AFAP1L1: variants seen among roughly 807,000 people sequenced by gnomAD.
The protein encoded by AFAP1L1 is actin filament-associated protein 1-like 1.
Under a neutral mutation model 99.8 loss-of-function variants are expected in AFAP1L1, and 77 were observed. The observed-to-expected ratio is 0.77, with a 90% confidence interval of 0.64 to 0.93. The LOEUF (loss-of-function observed/expected upper bound fraction) is 0.93. Among genes scored for constraint, AFAP1L1 ranks in the 40% least tolerant of loss-of-function variants. The pLI is 0.00. For missense variants in AFAP1L1, 893 were observed against 996.8 expected (o/e 0.90, Z 1.40); for synonymous variants, 373 against 395.3 (o/e 0.94, Z 0.67).
chr5:149,272,622 G>T (rs1425723478), intron 1 of AFAP1L1, among the ~76,000 whole-genome samples: 1 of 152,256 alleles, frequency 6.6e-6, no homozygotes, highest in Non-Finnish European at 1.5e-5. Context: ...TTTCACAGAA[G>T]TGGAGGGGAC....
Position 149,315,864 on chromosome 5 carries a change from G to C in AFAP1L1, c.1064G>C (p.Gly355Ala). The part of the protein sequence containing the change: ...EKQTSDSDSV[G>A]VGDNCSTLGR... ...CAGACCTCAGATTCTGACAGCGTGG[G>C]TGTGGGTGACAACTGTTCTACCCTT... The change falls in exon 10 of 19, where the codon GGT (glycine) becomes GCT (alanine). Residue 355 changes from glycine (G) to alanine (A), a missense_variant. Coordinates refer to ENST00000296721, the MANE Select transcript of AFAP1L1 (RefSeq NM_152406.4). 1 of 1,614,164 alleles carries C rather than the reference G, an allele frequency of 6.2e-7. No individual in the cohort carries two copies. Among genetic ancestry groups the C allele is most frequent in the Non-Finnish European group, 8.5e-7 (1 of 1,180,018 alleles).
At chr5:149,299,050 T>C (rs1756102944) in intron 1 of AFAP1L1, among the ~76,000 whole-genome samples, 1 of 152,198 alleles carries the variant, frequency 6.6e-6, no homozygotes, top group African/African-American at 2.4e-5. Flanking sequence ...TTGAAGCACA[T>C]GAACTGATGG....
intron 1 of AFAP1L1, among the ~76,000 whole-genome samples, chr5:149,298,062 G>A (rs1254773113): frequency 6.6e-6 from 1 of 152,172 alleles, no homozygotes; most frequent in Non-Finnish European, 1.5e-5. Context: ...TGAATGATAG[G>A]GCCTGAATTT....
intron 17 of AFAP1L1, among the ~76,000 whole-genome samples, chr5:149,334,572 AAAGTT>A (rs1757349901): frequency 6.6e-6 from 1 of 152,192 alleles, no homozygotes; most frequent in Non-Finnish European, 1.5e-5. Flanking sequence ...TGTAAGGGGT[AAAGTT>A]AATTTCAAAA....
At chr5:149,296,775 T>C (rs1462281084) in intron 1 of AFAP1L1, among the ~76,000 whole-genome samples, 1 of 152,204 alleles carries the variant, frequency 6.6e-6, no homozygotes, top group Non-Finnish European at 1.5e-5. Flanking sequence ...AATAAATAAA[T>C]ACCTGAGACT....
rs767373858 is a variant in AFAP1L1, at chr5:149,317,724, T to C, written c.1268-5T>C. ...ATGGGAACCTCACACCATTGTCTCC[T>C]CCAGGCTACCTGAACGTGCTGGTGA... is the stretch of plus-strand genomic sequence containing the variant. On this transcript the variant is annotated splice_polypyrimidine_tract_variant and splice_region_variant and intron_variant, in intron 11 of 18. Transcript: ENST00000296721. 6.2e-7 allele frequency: 1 copy of C among 1,613,646 alleles called. No individual in the cohort carries two copies. The highest frequency in any genetic ancestry group is 1.7e-5 in the Admixed American group (1 of 59,974).
chr5:149,272,024 G>A, intron 1 of AFAP1L1, 40 bp downstream of exon 1: 1 of 1,239,934 alleles, frequency 8.1e-7, no homozygotes, highest in Non-Finnish European at 1.0e-6. Context: ...TGCGGCGCCG[G>A]GCGGGAAAGG....
intron 17 of AFAP1L1, among the ~76,000 whole-genome samples, chr5:149,334,091 C>T (rs1757337329): frequency 6.6e-6 from 1 of 152,140 alleles, no homozygotes; most frequent in African/African-American, 2.4e-5. Context: ...TGCCTGCTTT[C>T]GGGTGAGGAA....
chr5:149,317,993 G>A, intron 12 of AFAP1L1, 53 bp downstream of exon 12: 1 of 1,531,308 alleles, frequency 6.5e-7, no homozygotes, highest in Non-Finnish European at 8.8e-7. Context: ...ACTCTGGCCT[G>A]AGTGTCATGT....
At chr5:149,326,545 TAAAAAAAA>T (rs59762007) in intron 15 of AFAP1L1, among the ~76,000 whole-genome samples, 15,926 of 129,700 alleles carry the variant, frequency 0.12, 1,243 homozygotes, top group Non-Finnish European at 0.17. Flanking sequence ...TCGCCAAAAA[TAAAAAAAA>T]AAAAAAAAAG....
intron 6 of AFAP1L1, 35 bp downstream of exon 6, chr5:149,306,439 G>C: frequency 6.4e-7 from 1 of 1,563,078 alleles, no homozygotes; most frequent in African/African-American, 1.4e-5. Flanking sequence ...TGCTGGGCAG[G>C]GCTTCTGCCC....
At chr5:149,323,357 C>T (rs1292746606) in intron 15 of AFAP1L1, among the ~76,000 whole-genome samples, 1 of 152,236 alleles carries the variant, frequency 6.6e-6, no homozygotes, top group Non-Finnish European at 1.5e-5. Context: ...TGCCTGATTA[C>T]CACACTGCAC....
At chr5:149,306,165 C>A in intron 5 of AFAP1L1, 141 bp from the exon 6 acceptor site, 1 of 625,144 alleles carries the variant, frequency 1.6e-6, no homozygotes, top group Non-Finnish European at 2.7e-6. Context: ...GAGAGGAGGC[C>A]TCACACCCTG....
rs543874551 is a variant in AFAP1L1 at position 149,272,100 on chromosome 5, G to A, written c.16+116G>A. The A allele has an allele frequency of 6.5e-5, 61 of 944,918 alleles. 1 individual carries two copies. In the South Asian group the frequency reaches 2.7e-3, roughly 42 times the overall value. 58.5% of individuals were successfully genotyped at this position (944,918 alleles called of 1,614,324 possible). On this transcript the variant is annotated intron_variant, in intron 1 of 18. Transcript: ENST00000296721. The stretch of plus-strand genomic sequence containing the variant: ...GGCGGGCGGTGGGGCGGGGGCTGAG[G>A]AACGCTCGGAGGGGACTGGGAGACG...
intron 1 of AFAP1L1, among the ~76,000 whole-genome samples, chr5:149,281,060 A>C (rs1382367076): frequency 6.6e-6 from 1 of 152,144 alleles, no homozygotes; most frequent in Non-Finnish European, 1.5e-5. Context: ...GACATTGCAC[A>C]TCATCCACAG....
intron 9 of AFAP1L1, among the ~76,000 whole-genome samples, chr5:149,312,632 C>A (rs1249537745): frequency 6.6e-6 from 1 of 151,828 alleles, no homozygotes; most frequent in African/African-American, 2.4e-5. Flanking sequence ...AAAAAAGTTA[C>A]AAAACAATTA....
intron 1 of AFAP1L1, among the ~76,000 whole-genome samples, chr5:149,281,694 C>A (rs777958314): frequency 6.6e-6 from 1 of 151,770 alleles, no homozygotes; most frequent in Non-Finnish European, 1.5e-5. Context: ...TTTATGCAGC[C>A]CAACTCACCT....
At chr5:149,312,321 GC>G in intron 9 of AFAP1L1, 117 bp downstream of exon 9, 1 of 947,106 alleles carries the variant, frequency 1.1e-6, no homozygotes, top group Non-Finnish European at 1.7e-6. Context: ...AACTGTAGGT[GC>G]CCAGCACAGA....
intron 10 of AFAP1L1, 35 bp from the exon 11 acceptor site, chr5:149,316,116 G>T: frequency 6.2e-7 from 1 of 1,601,638 alleles, no homozygotes; most frequent in East Asian, 2.2e-5. Context: ...GGGACTCAGG[G>T]CTCCCTCCAC....
Sources: allele counts gnomAD v4.1 joint callset (sites outside exome capture counted in the v4.1 genomes callset), GRCh38; gene constraint gnomAD v4.1.1; transcripts MANE v1.5; gene names NCBI Gene and HGNC (gene_info 2026-07-23, HGNC 2026-07-21).